ROBO1: variants seen among roughly 807,000 people sequenced by gnomAD.
ROBO1 encodes the protein roundabout homolog 1.
In ROBO1, 149 loss-of-function variants were observed where a neutral mutation model predicts 195.9. That is an observed-to-expected ratio of 0.76 (90% CI 0.67 to 0.87). The LOEUF is 0.87. Among genes scored for constraint, ROBO1 ranks in the 40% least tolerant of loss-of-function variants. ROBO1 has a pLI of 0.00. For synonymous variants in ROBO1, 816 were observed against 733.2 expected (o/e 1.11, Z -1.82); for missense variants, 1,933 against 2,068.3 (o/e 0.93, Z 1.27).
chr3:78,863,430 C>T (rs1044657651), intron 4 of ROBO1, among the ~76,000 whole-genome samples: 8 of 152,064 alleles, frequency 5.3e-5, no homozygotes, highest in African/African-American at 1.7e-4. Context: ...GGGAAATGTG[C>T]AAACTATGTG....
chr3:78,711,862 TTAGA>T (rs1451965933), intron 8 of ROBO1, among the ~76,000 whole-genome samples: 1 of 151,382 alleles, frequency 6.6e-6, no homozygotes, highest in Non-Finnish European at 1.5e-5. Context: ...TAAGAATTTA[TTAGA>T]TAAAGTGCCT....
chr3:79,290,298 C>T (rs1391062801), intron 2 of ROBO1, among the ~76,000 whole-genome samples: 1 of 152,052 alleles, frequency 6.6e-6, no homozygotes, highest in East Asian at 1.9e-4. Flanking sequence ...TCCCAAAGTG[C>T]TGGGATTACA....
At chr3:79,011,893 T>G (rs928583022) in intron 3 of ROBO1, among the ~76,000 whole-genome samples, 2 of 152,052 alleles carry the variant, frequency 1.3e-5, no homozygotes, top group Non-Finnish European at 2.9e-5. Context: ...GCTCTTTTAC[T>G]TTCTATACAA....
intron 29 of ROBO1, among the ~76,000 whole-genome samples, chr3:78,604,849 C>G (rs968396887): frequency 6.6e-6 from 1 of 152,232 alleles, no homozygotes; most frequent in African/African-American, 2.4e-5. Context: ...CCCTATCACT[C>G]TTTGCTGATT....
At chr3:79,010,625 AT>A (rs2077753826) in intron 3 of ROBO1, among the ~76,000 whole-genome samples, 3 of 152,128 alleles carry the variant, frequency 2.0e-5, no homozygotes, top group Admixed American at 2.0e-4. Flanking sequence ...AAACACATAT[AT>A]TTATTTATCT....
intron 2 of ROBO1, among the ~76,000 whole-genome samples, chr3:79,358,669 G>A (rs1190764933): frequency 6.6e-6 from 1 of 151,920 alleles, no homozygotes; most frequent in Non-Finnish European, 1.5e-5. Context: ...GTACTTGTAC[G>A]TTTGAGACCT....
intron 2 of ROBO1, among the ~76,000 whole-genome samples, chr3:79,252,727 G>T (rs968461768): frequency 6.6e-6 from 1 of 152,114 alleles, no homozygotes; most frequent in Non-Finnish European, 1.5e-5. Context: ...TTTGTATCAA[G>T]ATTACTTAGG....
At chr3:79,119,335 T>C (rs1329117111) in intron 3 of ROBO1, among the ~76,000 whole-genome samples, 1 of 152,224 alleles carries the variant, frequency 6.6e-6, no homozygotes, top group Non-Finnish European at 1.5e-5. Flanking sequence ...TACGCATGTC[T>C]ACTACCTATT....
At chr3:79,187,664 T>C (rs982588018) in intron 2 of ROBO1, among the ~76,000 whole-genome samples, 1 of 151,954 alleles carries the variant, frequency 6.6e-6, no homozygotes. Flanking sequence ...TCTGCCAGAA[T>C]TTCTGGGACA....
intron 2 of ROBO1, among the ~76,000 whole-genome samples, chr3:79,352,563 A>G (rs1263655007): frequency 6.6e-6 from 1 of 152,212 alleles, no homozygotes; most frequent in Non-Finnish European, 1.5e-5. Flanking sequence ...AATCACACGT[A>G]GAGCTTCACG....
intron 1 of ROBO1, among the ~76,000 whole-genome samples, chr3:79,765,515 C>T (rs1368824258): frequency 6.6e-6 from 1 of 152,106 alleles, no homozygotes; most frequent in Non-Finnish European, 1.5e-5. Context: ...CCAGTGCCTC[C>T]TCAAGATATA....
At position 78,812,892 on chromosome 3, in the gene ROBO1, G is replaced by A. The variant is rs537868113; in HGVS notation, c.500-65992C>T. Reference sequence around the variant, plus strand: ...TATTTAATCACATAATCACATGACTGCAATTATTTACATGGTAGAATTTAA... The same window carrying A: ...TATTTAATCACATAATCACATGACTACAATTATTTACATGGTAGAATTTAA... On this transcript the variant is annotated intron_variant, in intron 4 of 30. Coordinates refer to ENST00000464233, the MANE Select transcript of ROBO1 (RefSeq NM_002941.4). 3.3e-5 allele frequency among the ~76,000 whole-genome samples: 5 copies of A among 152,114 alleles called. No homozygotes were observed. In the East Asian group the frequency reaches 9.6e-4, roughly 29 times the overall value.
At chr3:79,561,657 T>C (rs116179922) in intron 2 of ROBO1, among the ~76,000 whole-genome samples, 2,924 of 152,266 alleles carry the variant, frequency 0.019, 112 homozygotes, top group African/African-American at 0.066. Flanking sequence ...CTGTGATGTT[T>C]GGAGAAGGAG....
At position 78,777,914 on chromosome 3, in the gene ROBO1, G is replaced by T. The variant is rs182103982; in HGVS notation, c.500-31014C>A. Among the ~76,000 whole-genome samples, 224 of 152,210 alleles carry T rather than the reference G, an allele frequency of 1.5e-3. 2 individuals are homozygous for T. Among genetic ancestry groups the T allele is most frequent in the African/African-American group, 5.2e-3 (215 of 41,530 alleles). On this transcript the variant is annotated intron_variant, in intron 4 of 30. Coordinates refer to ENST00000464233, the MANE Select transcript of ROBO1 (RefSeq NM_002941.4). ...GAGAGGGCATCCTTGCCTTGTGCCG[G>T]TTTTCAAAGGTAATGCTTCCAGCTT...
At chr3:78,624,093 A>C (rs951492472) in intron 26 of ROBO1, among the ~76,000 whole-genome samples, 1 of 152,190 alleles carries the variant, frequency 6.6e-6, no homozygotes, top group African/African-American at 2.4e-5. Flanking sequence ...CAAGTGTCTA[A>C]ATAAAAAGAT....
intron 3 of ROBO1, among the ~76,000 whole-genome samples, chr3:78,988,145 A>C (rs1021827685): frequency 1.3e-5 from 2 of 152,036 alleles, no homozygotes; most frequent in African/African-American, 4.8e-5. Context: ...TAACTATCCA[A>C]ATGTCATTTT....
chr3:79,712,378 A>G (rs1466687264), intron 1 of ROBO1, among the ~76,000 whole-genome samples: 1 of 152,158 alleles, frequency 6.6e-6, no homozygotes, highest in Non-Finnish European at 1.5e-5. Flanking sequence ...AGTGATTTGA[A>G]TAGAAGATGA....
At chr3:79,292,904 G>A (rs2032345217) in intron 2 of ROBO1, among the ~76,000 whole-genome samples, 1 of 152,158 alleles carries the variant, frequency 6.6e-6, no homozygotes, top group African/African-American at 2.4e-5. Flanking sequence ...ATAAGTTAGG[G>A]GGGAGTCCCT....
At chr3:78,661,946 C>G in intron 15 of ROBO1, 47 bp downstream of exon 15, 1 of 1,583,180 alleles carries the variant, frequency 6.3e-7, no homozygotes, top group Non-Finnish European at 8.6e-7. Context: ...TTGCAATGAT[C>G]TCGCAGACGC....
Sources: gnomAD v4.1 joint callset for allele counts (sites outside exome capture counted in the v4.1 genomes callset) on GRCh38, gnomAD v4.1.1 for gene constraint, MANE v1.5 for transcripts, NCBI Gene and HGNC (gene_info 2026-07-23, HGNC 2026-07-21) for gene names.